Variants in INPP4B observed in about 807,000 individuals in gnomAD.
INPP4B encodes the protein inositol polyphosphate 4-phosphatase type II.
A neutral mutation model predicts 122.5 loss-of-function variants in INPP4B; 55 were observed. The ratio of observed to expected loss-of-function variants is 0.45; its 90% CI spans 0.36 to 0.56. The LOEUF is 0.56. Among genes scored for constraint, INPP4B ranks in the 20% least tolerant of loss-of-function variants. The pLI, the probability that INPP4B is intolerant of heterozygous loss-of-function variation, is 0.00. For synonymous variants in INPP4B, 403 were observed against 388.7 expected (o/e 1.04, Z -0.43); for missense variants, 1,000 against 1,097.7 (o/e 0.91, Z 1.26).
intron 2 of INPP4B, among the ~76,000 whole-genome samples, chr4:142,686,979 T>C (rs535858359): frequency 2.4e-4 from 37 of 152,086 alleles, no homozygotes; most frequent in African/African-American, 8.4e-4. Context: ...AAAGGCAAGG[T>C]ATTCTTTTTG....
chr4:142,435,326 GA>G lies in INPP4B; in HGVS notation c.-126-3942del, dbSNP rs533999158. Among the ~76,000 whole-genome samples the G allele has an allele frequency of 5.3e-5, 8 of 150,914 alleles. No individual in the cohort carries two copies. The East Asian group carries it at 9.7e-4, about 18-fold the overall frequency. On this transcript the variant is annotated intron_variant, in intron 3 of 25. Coordinates refer to ENST00000262992, the MANE Select transcript of INPP4B (RefSeq NM_001101669.3). ...GCTTATCATGACCAAAATATGAAGG[GA>G]AAAAAAAGTCCTTTCAATAAGAATG...
chr4:142,299,522 GTT>G (rs71586276), intron 9 of INPP4B, among the ~76,000 whole-genome samples: 3 of 138,252 alleles, frequency 2.2e-5, no homozygotes, highest in African/African-American at 5.3e-5. Context: ...GAAGTTTTTA[GTT>G]TTTTTTTTTT....
intron 2 of INPP4B, among the ~76,000 whole-genome samples, chr4:142,675,951 C>T (rs1435532653): frequency 2.0e-5 from 3 of 152,122 alleles, no homozygotes; most frequent in African/African-American, 7.2e-5. Flanking sequence ...CAAGGATGCC[C>T]TCTCTCACCA....
At chr4:142,236,499 AG>A (rs1203661300) in intron 12 of INPP4B, among the ~76,000 whole-genome samples, 1 of 152,148 alleles carries the variant, frequency 6.6e-6, no homozygotes, top group Middle Eastern at 3.2e-3. Context: ...AACATGTCAT[AG>A]CTTCTCTTTG....
chr4:142,087,242 G>T (rs182850431), intron 23 of INPP4B, among the ~76,000 whole-genome samples: 6 of 152,148 alleles, frequency 3.9e-5, no homozygotes, highest in Admixed American at 3.3e-4. Flanking sequence ...GCACTATAAA[G>T]AAGCACAGAT....
At chr4:142,441,816 CTT>C (rs34592495) in intron 3 of INPP4B, among the ~76,000 whole-genome samples, 9,006 of 141,924 alleles carry the variant, frequency 0.063, 333 homozygotes, top group African/African-American at 0.1. Flanking sequence ...TAAGAAATAG[CTT>C]TTTTTTTTTT....
At chr4:142,347,829 AT>A (rs1780764351) in intron 7 of INPP4B, among the ~76,000 whole-genome samples, 1 of 151,954 alleles carries the variant, frequency 6.6e-6, no homozygotes, top group Non-Finnish European at 1.5e-5. Context: ...AGGGAGACAA[AT>A]TCTCATAAAA....
At chr4:142,136,082 C>T (rs920769795) in intron 18 of INPP4B, among the ~76,000 whole-genome samples, 9 of 152,196 alleles carry the variant, frequency 5.9e-5, no homozygotes, top group Admixed American at 4.6e-4. Context: ...CAGGTGTGAG[C>T]CACCGTGCCC....
At chr4:142,058,896 G>A (rs748217413) in intron 25 of INPP4B, among the ~76,000 whole-genome samples, 9 of 152,030 alleles carry the variant, frequency 5.9e-5, no homozygotes, top group Non-Finnish European at 8.8e-5. Flanking sequence ...AAAATAATGA[G>A]AAAGATTATG....
intron 2 of INPP4B, among the ~76,000 whole-genome samples, chr4:142,617,388 G>C (rs1743945830): frequency 2.0e-5 from 3 of 151,984 alleles, no homozygotes; most frequent in Admixed American, 2.0e-4. Flanking sequence ...CCTTCCCTTA[G>C]GTCACAGGGA....
intron 2 of INPP4B, among the ~76,000 whole-genome samples, chr4:142,627,853 T>A (rs1746862270): frequency 6.6e-6 from 1 of 152,044 alleles, no homozygotes; most frequent in African/African-American, 2.4e-5. Flanking sequence ...GTACCTCTGG[T>A]AGAATTCGGC....
At chr4:142,514,509 A>G (rs1450237789) in intron 2 of INPP4B, 2 of 152,122 alleles carry the variant, frequency 1.3e-5, no homozygotes, top group East Asian at 1.9e-4. Flanking sequence ...TGCTGTTATT[A>G]TTTTTTGTGA....
At chr4:142,236,708 C>T (rs1334880862) in intron 12 of INPP4B, among the ~76,000 whole-genome samples, 1 of 152,128 alleles carries the variant, frequency 6.6e-6, no homozygotes, top group African/African-American at 2.4e-5. Flanking sequence ...CTACTCTAAC[C>T]AATTTTGTTA....
chr4:142,629,996 A>G (rs1037859276), intron 2 of INPP4B, among the ~76,000 whole-genome samples: 2 of 152,144 alleles, frequency 1.3e-5, no homozygotes, highest in African/African-American at 2.4e-5. Context: ...AACATTGTCT[A>G]GACATTTGCT....
Position 142,421,994 on chromosome 4 carries a change from C to T in INPP4B, c.136+7179G>A, listed in dbSNP as rs77427237. On this transcript the variant is annotated intron_variant, in intron 5 of 25. Coordinates refer to ENST00000262992, the MANE Select transcript of INPP4B (RefSeq NM_001101669.3). ...TAAAAGCAGGAGCCTCCAAATCAGA[C>T]AAAACTCAGCTTAGATCCTGACTCC... 1.3e-3 allele frequency among the ~76,000 whole-genome samples: 196 copies of T among 152,144 alleles called. 3 individuals are homozygous for T. The East Asian group carries it at 0.036, about 28-fold the overall frequency.
At chr4:142,366,788 A>C (rs1419356214) in intron 7 of INPP4B, among the ~76,000 whole-genome samples, 3 of 152,174 alleles carry the variant, frequency 2.0e-5, no homozygotes, top group African/African-American at 7.2e-5. Context: ...TATCTCTGTC[A>C]GCAAAATGCT....
chr4:142,426,364 T>C (rs1170747230), intron 5 of INPP4B: 1 of 152,040 alleles, frequency 6.6e-6, no homozygotes, highest in Non-Finnish European at 1.5e-5. Flanking sequence ...ATCAAAACAA[T>C]TTTATTAAAC....
chr4:142,309,928 C>T (rs1278384470), intron 8 of INPP4B, among the ~76,000 whole-genome samples: 1 of 152,162 alleles, frequency 6.6e-6, no homozygotes, highest in Admixed American at 6.5e-5. Flanking sequence ...AACCCACCAG[C>T]CCCTGCAGCC....
chr4:142,163,070 A>T (rs1579128072), intron 16 of INPP4B, among the ~76,000 whole-genome samples: 1 of 152,024 alleles, frequency 6.6e-6, no homozygotes, highest in East Asian at 1.9e-4. Context: ...AATCAGCTTG[A>T]AAAGATTAAT....
Sources: gnomAD v4.1 joint callset for allele counts (sites outside exome capture counted in the v4.1 genomes callset) on GRCh38, gnomAD v4.1.1 for gene constraint, MANE v1.5 for transcripts, NCBI Gene and HGNC (gene_info 2026-07-23, HGNC 2026-07-21) for gene names.